The following GRIP1 variants were observed in gnomAD, a reference collection of about 807,000 sequenced individuals.
The protein encoded by GRIP1 is glutamate receptor interacting protein 1, also known as glutamate receptor-interacting protein 1.
In GRIP1, 45 loss-of-function variants were observed where a neutral mutation model predicts 129.9. That is an observed-to-expected ratio of 0.35 (90% confidence interval 0.27 to 0.44). GRIP1 has a LOEUF of 0.44. GRIP1 is among the 20% of genes least tolerant of loss of function. The probability of loss-of-function intolerance (pLI) is 1.00; values close to 1 mark genes in which losing one functional copy is unlikely to be tolerated. For missense variants in GRIP1, 1,196 were observed against 1,396.8 expected, an observed-to-expected ratio of 0.86 and a Z score of 2.29; for synonymous variants, 530 against 520.8, an observed-to-expected ratio of 1.02 and a Z score of -0.24.
intron 1 of GRIP1, among the ~76,000 whole-genome samples, chr12:66,751,363 G>A (rs2037121723): frequency 6.6e-6 from 1 of 152,130 alleles, no homozygotes; most frequent in Non-Finnish European, 1.5e-5. Flanking sequence ...TCAAAGTACA[G>A]GCAGAAAAGG....
intron 1 of GRIP1, among the ~76,000 whole-genome samples, chr12:66,705,275 T>C (rs927157805): frequency 6.6e-5 from 10 of 151,988 alleles, no homozygotes; most frequent in African/African-American, 2.4e-4. Context: ...ATAGTTACTA[T>C]GTAGGTAAAA....
intron 1 of GRIP1, among the ~76,000 whole-genome samples, chr12:67,067,439 C>A (rs2043648492): frequency 6.6e-6 from 1 of 152,088 alleles, no homozygotes; most frequent in African/African-American, 2.4e-5. Flanking sequence ...AGAATGCTTT[C>A]ATGTAGTGCT....
chr12:66,697,899 G>A (rs1014474085), intron 1 of GRIP1, among the ~76,000 whole-genome samples: 3 of 150,636 alleles, frequency 2.0e-5, no homozygotes, highest in African/African-American at 2.4e-5. Flanking sequence ...TCAACAAAGC[G>A]AAGTGCAACA....
chr12:66,758,981 C>T (rs527796156), intron 1 of GRIP1, among the ~76,000 whole-genome samples: 5 of 152,276 alleles, frequency 3.3e-5, no homozygotes, highest in South Asian at 2.1e-4. Flanking sequence ...GTGGATCTAT[C>T]GTTCTGGGGT....
chr12:66,389,949 C>T (rs2056518056), intron 19 of GRIP1, among the ~76,000 whole-genome samples: 1 of 152,120 alleles, frequency 6.6e-6, no homozygotes, highest in East Asian at 1.9e-4. Flanking sequence ...CAACAGAGAC[C>T]CAATAGCTGT....
intron 19 of GRIP1, among the ~76,000 whole-genome samples, chr12:66,381,971 C>T (rs888535578): frequency 2.0e-5 from 3 of 152,186 alleles, no homozygotes; most frequent in African/African-American, 4.8e-5. Context: ...CGGTGGCTCA[C>T]GCCTAGCACT....
rs142504097 is a variant in GRIP1, at chr12:66,757,334, T to A, written c.-420+46719A>T. Among the ~76,000 whole-genome samples the A allele has an allele frequency of 4.3e-4, 65 of 152,300 alleles. No individual in the cohort carries two copies. In the Middle Eastern group the frequency reaches 0.01, roughly 24 times the overall value. On this transcript the variant is annotated intron_variant, in intron 1 of 4. Transcript: ENST00000538373. ...CACAAATAAGTGAGAATATGTGAAGTTTGTCTTTCTGTGTCTGGCTTATTT... is the reference window on the plus strand; with the variant it reads ...CACAAATAAGTGAGAATATGTGAAGATTGTCTTTCTGTGTCTGGCTTATTT...
At chr12:66,923,856 T>C (rs1034257154) in intron 1 of GRIP1, among the ~76,000 whole-genome samples, 3 of 152,060 alleles carry the variant, frequency 2.0e-5, no homozygotes, top group Admixed American at 6.6e-5. Context: ...TTTTTTTTTA[T>C]TTCTTGAGAT....
chr12:66,450,127 C>T (rs1450969084), intron 11 of GRIP1, among the ~76,000 whole-genome samples: 1 of 151,266 alleles, frequency 6.6e-6, no homozygotes, highest in Non-Finnish European at 1.5e-5. Context: ...CGTGAAACCC[C>T]ATCTCTACTA....
chr12:66,459,543 A>G (rs560648262), intron 9 of GRIP1, among the ~76,000 whole-genome samples: 24 of 152,302 alleles, frequency 1.6e-4, no homozygotes, highest in African/African-American at 5.5e-4. Context: ...CAGCACAATT[A>G]ATAAGTCAAT....
At chr12:66,985,919 T>C (rs1297402146) in intron 1 of GRIP1, among the ~76,000 whole-genome samples, 1 of 152,224 alleles carries the variant, frequency 6.6e-6, no homozygotes, top group South Asian at 2.1e-4. Context: ...TGATTAAAAG[T>C]ACTTAGTAGT....
intron 2 of GRIP1, among the ~76,000 whole-genome samples, chr12:66,584,466 G>C (rs1167509197): frequency 6.6e-6 from 1 of 152,094 alleles, no homozygotes; most frequent in Non-Finnish European, 1.5e-5. Flanking sequence ...CCAGCTACTC[G>C]GGAGGCTGAG....
At chr12:66,560,780 T>C (rs562317959) in intron 2 of GRIP1, among the ~76,000 whole-genome samples, 1 of 152,050 alleles carries the variant, frequency 6.6e-6, no homozygotes, top group African/African-American at 2.4e-5. Context: ...AAACTAAAAA[T>C]AGAGCTACCA....
At chr12:66,429,357 G>A (rs2058078228) in intron 14 of GRIP1, among the ~76,000 whole-genome samples, 1 of 152,186 alleles carries the variant, frequency 6.6e-6, no homozygotes, top group African/African-American at 2.4e-5. Context: ...AGGGTTCCCA[G>A]ATTTCCTTCT....
intron 16 of GRIP1, among the ~76,000 whole-genome samples, chr12:66,399,982 G>A (rs1406301482): frequency 6.6e-6 from 1 of 151,954 alleles, no homozygotes; most frequent in Non-Finnish European, 1.5e-5. Flanking sequence ...ACCAAGAGAT[G>A]TCCAAGCAAG....
intron 1 of GRIP1, among the ~76,000 whole-genome samples, chr12:67,064,504 T>C (rs914003996): frequency 5.9e-5 from 9 of 152,222 alleles, no homozygotes; most frequent in Non-Finnish European, 7.3e-5. Flanking sequence ...TATAAGACTG[T>C]ACCAAATAAT....
At chr12:66,657,524 G>T (rs1408089573) in intron 1 of GRIP1, among the ~76,000 whole-genome samples, 2 of 152,190 alleles carry the variant, frequency 1.3e-5, no homozygotes, top group African/African-American at 2.4e-5. Flanking sequence ...AGATAAAATA[G>T]ATCTTTCAGG....
At chr12:66,930,159 GGTTA>G (rs1454526220) in intron 1 of GRIP1, among the ~76,000 whole-genome samples, 44 of 148,620 alleles carry the variant, frequency 3.0e-4, no homozygotes, top group African/African-American at 1.1e-3. Context: ...ACATTGTGCA[GGTTA>G]GTTACATATG....
intron 2 of GRIP1, among the ~76,000 whole-genome samples, chr12:66,582,031 G>A (rs1252978954): frequency 1.3e-5 from 2 of 152,140 alleles, no homozygotes; most frequent in Non-Finnish European, 2.9e-5. Flanking sequence ...ACTGAATCCA[G>A]CAGCACATCA....
Sources: allele counts gnomAD v4.1 joint callset (sites outside exome capture counted in the v4.1 genomes callset), GRCh38; gene constraint gnomAD v4.1.1; transcripts MANE v1.5; gene names NCBI Gene and HGNC (gene_info 2026-07-23, HGNC 2026-07-21).